The following CERS6 variants were observed in gnomAD, a reference collection of about 807,000 sequenced individuals.
CERS6 encodes ceramide synthase 6.
CERS6 carries 26 observed loss-of-function variants against 56.8 expected under a neutral mutation model. The observed-to-expected ratio is 0.46, with a 90% CI of 0.34 to 0.63. The LOEUF is 0.63. CERS6 is among the 30% of genes least tolerant of loss of function. CERS6 has a pLI of 0.01. For synonymous variants in CERS6, 164 were observed against 173.3 expected (o/e 0.95, Z 0.42); for missense variants, 415 against 467.5 (o/e 0.89, Z 1.04).
intron 4 of CERS6, among the ~76,000 whole-genome samples, chr2:168,632,411 A>G (rs1175861336): frequency 6.6e-6 from 1 of 152,206 alleles, no homozygotes; most frequent in Non-Finnish European, 1.5e-5. Flanking sequence ...GAATTCTATT[A>G]TAAATAGTGG....
chr2:168,746,772 A>AGG (rs200330650), intron 8 of CERS6, among the ~76,000 whole-genome samples: 5,991 of 68,944 alleles, frequency 0.087, 335 homozygotes, highest in Non-Finnish European at 0.1. Flanking sequence ...AAAAGGGTAA[A>AGG]GGGTATATAT....
chr2:168,582,019 T>C (rs972204215), intron 3 of CERS6, among the ~76,000 whole-genome samples: 1 of 152,170 alleles, frequency 6.6e-6, no homozygotes, highest in Non-Finnish European at 1.5e-5. Context: ...CGTAACCACC[T>C]TGGTCATGAT....
intron 4 of CERS6, among the ~76,000 whole-genome samples, chr2:168,639,827 T>C (rs1684946526): frequency 6.6e-6 from 1 of 152,138 alleles, no homozygotes; most frequent in African/African-American, 2.4e-5. Flanking sequence ...TGCTGTCAGG[T>C]GGGACAAATG....
intron 1 of CERS6, among the ~76,000 whole-genome samples, chr2:168,525,149 A>G (rs1383733194): frequency 6.6e-6 from 1 of 152,176 alleles, no homozygotes; most frequent in African/African-American, 2.4e-5. Context: ...GAATTCCTTC[A>G]TTCCTTAAGA....
At chr2:168,507,164 G>T (rs1694693433) in intron 1 of CERS6, among the ~76,000 whole-genome samples, 1 of 152,062 alleles carries the variant, frequency 6.6e-6, no homozygotes, top group Non-Finnish European at 1.5e-5. Flanking sequence ...CCTAAACAAA[G>T]ATATTCTTCT....
intron 3 of CERS6, among the ~76,000 whole-genome samples, chr2:168,622,323 G>A (rs1251047480): frequency 2.0e-5 from 3 of 152,182 alleles, no homozygotes; most frequent in Non-Finnish European, 4.4e-5. Flanking sequence ...ATGCTGGGCC[G>A]CATTCAAAGC....
chr2:168,480,592 C>T (rs1042754643), intron 1 of CERS6, among the ~76,000 whole-genome samples: 2 of 152,076 alleles, frequency 1.3e-5, no homozygotes, highest in Admixed American at 1.3e-4. Flanking sequence ...CTTTATTTAC[C>T]GTTTAAGGTT....
chr2:168,606,024 C>T (rs1684044472), intron 3 of CERS6, among the ~76,000 whole-genome samples: 2 of 152,162 alleles, frequency 1.3e-5, no homozygotes, highest in Non-Finnish European at 2.9e-5. Context: ...TCCTCCAGAC[C>T]CAAAATGGTA....
At chr2:168,641,593 AC>A (rs1685049419) in intron 4 of CERS6, among the ~76,000 whole-genome samples, 1 of 152,166 alleles carries the variant, frequency 6.6e-6, no homozygotes, top group Non-Finnish European at 1.5e-5. Flanking sequence ...ACCATTGAAC[AC>A]CTATAATGTT....
chr2:168,495,827 T>C (rs575269811), intron 1 of CERS6, among the ~76,000 whole-genome samples: 1 of 152,336 alleles, frequency 6.6e-6, no homozygotes, highest in East Asian at 1.9e-4. Context: ...ACTTTGCCCT[T>C]GTGCACCTAT....
chr2:168,657,889 A>C (rs1331038268), intron 4 of CERS6, among the ~76,000 whole-genome samples: 2 of 152,208 alleles, frequency 1.3e-5, no homozygotes, highest in African/African-American at 4.8e-5. Context: ...TGGCTCCCAC[A>C]GTGCAGTGGG....
At chr2:168,626,526 G>C (rs1271038864) in intron 3 of CERS6, among the ~76,000 whole-genome samples, 1 of 152,184 alleles carries the variant, frequency 6.6e-6, no homozygotes, top group Non-Finnish European at 1.5e-5. Flanking sequence ...CAATAAACCA[G>C]ATTCAGTGGG....
intron 6 of CERS6, among the ~76,000 whole-genome samples, chr2:168,708,692 A>G (rs1406963150): frequency 6.6e-6 from 1 of 152,118 alleles, no homozygotes; most frequent in Non-Finnish European, 1.5e-5. Flanking sequence ...AAGGGAGAAG[A>G]GCCTTTTTTC....
chr2:168,478,512 T>C, intron 1 of CERS6, among the ~76,000 whole-genome samples: 1 of 152,172 alleles, frequency 6.6e-6, no homozygotes, highest in East Asian at 1.9e-4. Context: ...GTCTAAAGCC[T>C]CTCTACTCAA....
rs61616871 is a variant in CERS6 at position 168,657,774 on chromosome 2, T to G, written c.465+26732T>G. 6.2e-3 allele frequency among the ~76,000 whole-genome samples: 938 copies of G among 152,320 alleles called. 8 individuals carry two copies. The highest frequency in any genetic ancestry group is 0.021 in the African/African-American group (891 of 41,568). ...GCCCACGCCCACCCGGAACTCCAGC[T>G]GGCCCGCAAGCGCCGCACGCAGCCC... On this transcript the variant is annotated intron_variant, in intron 4 of 9. Transcript: ENST00000305747.
chr2:168,754,157 G>A (rs144595237), intron 8 of CERS6, among the ~76,000 whole-genome samples: 27 of 152,230 alleles, frequency 1.8e-4, no homozygotes, highest in South Asian at 6.2e-4. Flanking sequence ...CTATGGGTCC[G>A]TGTCTCAGAG....
At chr2:168,469,084 C>T (rs915360358) in intron 1 of CERS6, among the ~76,000 whole-genome samples, 1 of 152,136 alleles carries the variant, frequency 6.6e-6, no homozygotes, top group African/African-American at 2.4e-5. Context: ...ATTGGGATCA[C>T]ATTTATGAAA....
At chr2:168,655,121 C>T (rs765978920) in intron 4 of CERS6, among the ~76,000 whole-genome samples, 2 of 151,964 alleles carry the variant, frequency 1.3e-5, no homozygotes, top group East Asian at 1.9e-4. Flanking sequence ...AATGGCCAAC[C>T]GACATATGAG....
At chr2:168,651,987 A>G (rs1036515016) in intron 4 of CERS6, among the ~76,000 whole-genome samples, 1 of 152,050 alleles carries the variant, frequency 6.6e-6, no homozygotes, top group Non-Finnish European at 1.5e-5. Flanking sequence ...GTTATTGTTT[A>G]CAAATCTCTT....
Sources: allele counts gnomAD v4.1 joint callset (sites outside exome capture counted in the v4.1 genomes callset), GRCh38; gene constraint gnomAD v4.1.1; transcripts MANE v1.5; gene names NCBI Gene and HGNC (gene_info 2026-07-23, HGNC 2026-07-21).